The following BLZF1 variants were observed in gnomAD, a reference collection of about 807,000 sequenced individuals.
BLZF1 encodes basic leucine zipper nuclear factor 1, also known as golgin-45.
A neutral mutation model predicts 43.8 loss-of-function variants in BLZF1; 39 were observed. The ratio of observed to expected loss-of-function variants is 0.89; its 90% confidence interval spans 0.69 to 1.16. The LOEUF (loss-of-function observed/expected upper bound fraction) is 1.16, where lower values mean the gene tolerates loss of function less well. BLZF1 is among the 50% of genes most tolerant of loss of function. BLZF1 has a pLI of 0.00. For missense variants in BLZF1, 449 were observed against 469.8 expected (o/e 0.96, Z 0.41); for synonymous variants, 136 against 159.4 (o/e 0.85, Z 1.11).
chr1:169,384,786 G>A (rs191610247), intron 6 of BLZF1, among the ~76,000 whole-genome samples: 2 of 152,174 alleles, frequency 1.3e-5, no homozygotes, highest in Admixed American at 1.3e-4. Context: ...ATTGTACTTT[G>A]CACTTATATC....
intron 2 of BLZF1, among the ~76,000 whole-genome samples, chr1:169,375,756 C>A (rs1478475579): frequency 6.6e-6 from 1 of 151,258 alleles, no homozygotes; most frequent in East Asian, 1.9e-4. Flanking sequence ...CGTCTTTTGT[C>A]CCTCCCCTTG....
intron 6 of BLZF1, among the ~76,000 whole-genome samples, chr1:169,385,527 C>A (rs937640056): frequency 3.3e-5 from 5 of 152,174 alleles, no homozygotes; most frequent in Admixed American, 2.6e-4. Flanking sequence ...ATTCCCTTAG[C>A]ATTTTGTTTC....
At chr1:169,392,699 C>T (rs557167925), downstream of BLZF1, among the ~76,000 whole-genome samples, 26 of 152,192 alleles carry the variant, frequency 1.7e-4, no homozygotes, top group African/African-American at 6.0e-4. Flanking sequence ...GAGGAACCAA[C>T]CAAGTAATTA....
intron 7 of BLZF1, chr1:169,395,098 G>A (rs1249284340): frequency 2.5e-6 from 4 of 1,613,282 alleles, no homozygotes; most frequent in Non-Finnish European, 1.7e-6. Flanking sequence ...ACATATATAG[G>A]TGGTGCTGTA....
chr1:169,380,457 A>G lies in BLZF1; in HGVS notation c.669-24A>G, dbSNP rs779635588. On this transcript the variant is annotated intron_variant, in intron 4 of 6. Coordinates refer to ENST00000367808, the MANE Select transcript of BLZF1 (RefSeq NM_001320973.2). ...ACTGTATTATTGTCAGCAAATTTAT[A>G]TGTAAGATTTTAATCTTTTTCAGGG... The G allele has an allele frequency of 2.5e-5, 40 of 1,600,488 alleles. No individual in the cohort carries two copies. The Middle Eastern group carries it at 5.0e-4, about 20-fold the overall frequency.
chr1:169,394,233 A>G (rs1255139622), intron 7 of BLZF1, among the ~76,000 whole-genome samples: 2 of 152,230 alleles, frequency 1.3e-5, no homozygotes, highest in African/African-American at 4.8e-5. Context: ...AGCATTTATA[A>G]TACATTTTAA....
intron 1 of BLZF1, among the ~76,000 whole-genome samples, chr1:169,368,633 G>A (rs1653989158): frequency 6.6e-6 from 1 of 152,204 alleles, no homozygotes; most frequent in Non-Finnish European, 1.5e-5. Context: ...GTTTCGCAGA[G>A]CAGCTATCAA....
At chr1:169,386,686 A>G (rs1196528773) in intron 6 of BLZF1, among the ~76,000 whole-genome samples, 1 of 151,774 alleles carries the variant, frequency 6.6e-6, no homozygotes, top group African/African-American at 2.4e-5. Context: ...CTCAAAAAAA[A>G]AAAAAAAAAG....
intron 1 of BLZF1, 143 bp downstream of exon 1, chr1:169,368,485 G>C (rs563618181): frequency 3.3e-5 from 5 of 152,228 alleles, no homozygotes; most frequent in Non-Finnish European, 5.9e-5. Context: ...CTTAGGTTTC[G>C]ACTTCCCCGG....
At position 169,387,387 on chromosome 1, in the gene BLZF1, G is replaced by A. The variant is rs1316970592; in HGVS notation, c.*205G>A. Reference sequence around the variant, plus strand: ...GGTAAGGAAAGAAAGAAACTGTATAGATATATTTAAAATAGAGAATACTTT... The same window carrying A: ...GGTAAGGAAAGAAAGAAACTGTATAAATATATTTAAAATAGAGAATACTTT... On this transcript the variant is annotated 3_prime_UTR_variant, in exon 7 of 7. Transcript: ENST00000367808. 3 of 446,300 alleles carry A rather than the reference G, an allele frequency of 6.7e-6. No individual in the cohort carries two copies. Among genetic ancestry groups the A allele is most frequent in the Non-Finnish European group, 1.2e-5 (3 of 258,870 alleles). 27.6% of individuals were successfully genotyped at this position (446,300 alleles called of 1,614,324 possible).
downstream of BLZF1, among the ~76,000 whole-genome samples, chr1:169,390,703 T>A (rs969782392): frequency 2.0e-5 from 3 of 152,022 alleles, no homozygotes; most frequent in African/African-American, 4.8e-5. Context: ...TTAAAAAAAA[T>A]TTTTTTTCCC....
chr1:169,371,082 CAAGG>C (rs71737883), intron 2 of BLZF1, among the ~76,000 whole-genome samples: 2,215 of 152,236 alleles, frequency 0.015, 57 homozygotes, highest in African/African-American at 0.05. Context: ...GTTTAAGAAA[CAAGG>C]AAGAAAGATC....
chr1:169,395,013 A>G, intron 7 of BLZF1: 1 of 1,537,958 alleles, frequency 6.5e-7, no homozygotes, highest in African/African-American at 1.4e-5. Context: ...AAATTTTGAT[A>G]GCAGCTGCCC....
intron 3 of BLZF1, among the ~76,000 whole-genome samples, chr1:169,377,913 T>C (rs1046998272): frequency 6.6e-6 from 1 of 152,074 alleles, no homozygotes; most frequent in Non-Finnish European, 1.5e-5. Context: ...ATTACTTTGC[T>C]TTATTTTTTA....
intron 1 of BLZF1, among the ~76,000 whole-genome samples, chr1:169,369,272 A>G (rs1476692166): frequency 1.8e-5 from 2 of 114,172 alleles, no homozygotes; most frequent in Admixed American, 9.9e-5. Flanking sequence ...TTAGAAGTAA[A>G]CCACCCCTAA....
At chr1:169,386,399 C>A (rs941252276) in intron 6 of BLZF1, among the ~76,000 whole-genome samples, 1 of 152,080 alleles carries the variant, frequency 6.6e-6, no homozygotes, top group Non-Finnish European at 1.5e-5. Context: ...ATTGACATCA[C>A]TTAATGATAT....
intron 2 of BLZF1, among the ~76,000 whole-genome samples, chr1:169,375,393 C>CATATATATATATATATATATATAT (rs58679820): frequency 3.5e-5 from 3 of 85,840 alleles, no homozygotes; most frequent in African/African-American, 4.8e-5. Context: ...ATATATAAAA[C>CATATATATATATATATATATATAT]ATATATATAT....
chr1:169,377,207 T>G, intron 3 of BLZF1: 1 of 503,242 alleles, frequency 2.0e-6, no homozygotes, highest in Non-Finnish European at 3.5e-6. Flanking sequence ...GTGAGGTGCT[T>G]TGGACAAGAC....
rs968129567 is a variant in BLZF1, at chr1:169,387,650, A to G, written c.*468A>G. 1 of 152,410 alleles carries G rather than the reference A, an allele frequency of 6.6e-6. No homozygotes were observed. The highest frequency in any genetic ancestry group is 1.5e-5 in the Non-Finnish European group (1 of 68,198). 9.4% of individuals were successfully genotyped at this position (152,410 alleles called of 1,614,324 possible). On this transcript the variant is annotated 3_prime_UTR_variant, in exon 7 of 7. Coordinates refer to ENST00000367808, the MANE Select transcript of BLZF1 (RefSeq NM_001320973.2). The stretch of plus-strand genomic sequence containing the variant: ...AACTGCAGAGTTGAATAGATGCAGC[A>G]GATCCTTTACAGAAAAAGTTTTCTG...
Sources: allele counts gnomAD v4.1 joint callset (sites outside exome capture counted in the v4.1 genomes callset), GRCh38; gene constraint gnomAD v4.1.1; transcripts MANE v1.5; gene names NCBI Gene and HGNC (gene_info 2026-07-23, HGNC 2026-07-21).